USP13: variants seen among roughly 807,000 people sequenced by gnomAD.
USP13 encodes the protein ubiquitin carboxyl-terminal hydrolase 13.
In USP13, 68 loss-of-function variants were observed where a neutral mutation model predicts 107.8. That is an observed-to-expected ratio of 0.63 (90% CI 0.52 to 0.77). USP13 has a LOEUF of 0.77. Among genes scored for constraint, USP13 ranks in the 30% least tolerant of loss-of-function variants. The pLI, the probability that USP13 is intolerant of heterozygous loss-of-function variation, is 0.00. For missense variants in USP13, 945 were observed against 1,093.3 expected (o/e 0.86, Z 1.91); for synonymous variants, 377 against 389.5 (o/e 0.97, Z 0.38).
intron 2 of USP13, among the ~76,000 whole-genome samples, chr3:179,683,015 G>A (rs1006901146): frequency 4.0e-5 from 6 of 150,140 alleles, no homozygotes; most frequent in Non-Finnish European, 5.9e-5. Flanking sequence ...TAGATGAAGT[G>A]GCATCTAAAT....
At position 179,721,943 on chromosome 3, in the gene USP13, C is replaced by G. The variant is rs1289510573; in HGVS notation, c.1088+354C>G. Among the ~76,000 whole-genome samples, 1 of 151,866 alleles carries G rather than the reference C, an allele frequency of 6.6e-6. No individual in the cohort carries two copies. Among genetic ancestry groups the G allele is most frequent in the Non-Finnish European group, 1.5e-5 (1 of 67,978 alleles). On this transcript the variant is annotated intron_variant, in intron 8 of 20. Transcript: ENST00000263966. The surrounding 1 kb of genome is among the most constrained non-coding windows in gnomAD (Gnocchi z 4.3). ...AATTAGCCAGGGGTGGTGGTGCACGCCTGTAATTCCAGCTACTCAGGAGGC... is the reference window on the plus strand; with the variant it reads ...AATTAGCCAGGGGTGGTGGTGCACGGCTGTAATTCCAGCTACTCAGGAGGC...
intron 3 of USP13, among the ~76,000 whole-genome samples, chr3:179,696,651 G>C (rs992699244): frequency 8.5e-5 from 13 of 152,104 alleles, no homozygotes; most frequent in Non-Finnish European, 1.6e-4. Flanking sequence ...TTTTGGCTTA[G>C]GGTTGCTGTG....
chr3:179,656,464 T>C (rs1201686064), intron 1 of USP13, among the ~76,000 whole-genome samples: 1 of 152,268 alleles, frequency 6.6e-6, no homozygotes, highest in Non-Finnish European at 1.5e-5. Flanking sequence ...ATGAGTAGTG[T>C]ATTAGTATCT....
chr3:179,763,736 C>T (rs1324075281), intron 17 of USP13, among the ~76,000 whole-genome samples: 1 of 152,108 alleles, frequency 6.6e-6, no homozygotes, highest in African/African-American at 2.4e-5. Flanking sequence ...CAGGTGTGCA[C>T]CACCATGCCC....
Position 179,761,115 on chromosome 3 carries a change from C to T in USP13, c.1952C>T (p.Ser651Leu). 1.2e-6 allele frequency: 2 copies of T among 1,614,198 alleles called. No individual in the cohort carries two copies. The highest frequency in any genetic ancestry group is 2.2e-5 in the East Asian group (1 of 44,884). Residue 651 changes from serine to leucine, a missense_variant, in exon 17 of 21, where the codon TCA (serine) becomes TTA (leucine). Coordinates refer to ENST00000263966, the MANE Select transcript of USP13 (RefSeq NM_003940.3). The stretch of plus-strand genomic sequence containing the variant: ...AATATCCTGTTGTGCTCTGTAGCAT[C>T]AGACATCGATGAGTCATCAGTGATG... ...DRLMNQLIDP[S>L]DIDESSVMQL...
rs9814513 is a variant in USP13, at chr3:179,786,521, C to T, written c.*2380C>T. 0.21 allele frequency: 32,435 copies of T among 152,202 alleles called. 5,156 individuals carry two copies. Among genetic ancestry groups the T allele is most frequent in the African/African-American group, 0.45 (18,672 of 41,442 alleles). 9.4% of individuals were successfully genotyped at this position (152,202 alleles called of 1,614,324 possible). A position where few individuals can be genotyped will look rare whatever the true frequency, so the allele number is the denominator to read the frequency against. The stretch of plus-strand genomic sequence containing the variant: ...TGCTATGGCTGCCTTTTCTTCTGCC[C>T]CACAACACAAAGGGCTATTTCTACA... On this transcript the variant is annotated 3_prime_UTR_variant, in exon 21 of 21. Coordinates refer to ENST00000263966, the MANE Select transcript of USP13 (RefSeq NM_003940.3).
chr3:179,774,721 T>G (rs1033554004), intron 19 of USP13, among the ~76,000 whole-genome samples: 36 of 152,196 alleles, frequency 2.4e-4, no homozygotes, highest in African/African-American at 8.4e-4. Flanking sequence ...CCCAAGCAGG[T>G]TGCCACTGCT....
intron 6 of USP13, among the ~76,000 whole-genome samples, chr3:179,718,453 G>C (rs1459906651): frequency 6.6e-6 from 1 of 151,992 alleles, no homozygotes; most frequent in Non-Finnish European, 1.5e-5. Context: ...CATGTACCTC[G>C]CTGGTGTCCT....
At chr3:179,745,343 A>G (rs1238777795) in intron 13 of USP13, 126 bp downstream of exon 13, 1 of 1,200,348 alleles carries the variant, frequency 8.3e-7, no homozygotes, top group East Asian at 2.5e-5. Context: ...GATGGATGGG[A>G]TTATGGTTCA....
chr3:179,752,355 T>G lies in USP13; in HGVS notation c.1780T>G (p.Trp594Gly). 5 of 1,614,132 alleles carry G rather than the reference T, an allele frequency of 3.1e-6. No homozygotes were observed. The highest frequency in any genetic ancestry group is 4.2e-6 in the Non-Finnish European group (5 of 1,179,980). ...AAAGAAGTTCACTTTTGGTCTTGAC[T>G]GGGTTCCCAAAAAATTTGGTAGGTA... Reference protein sequence around the residue: ...QIKKFTFGLDWVPKKFDVSID... With the variant: ...QIKKFTFGLDGVPKKFDVSID... Residue 594 changes from tryptophan (W) to glycine (G), a missense_variant, in exon 14 of 21, where the codon TGG becomes GGG. By Grantham distance (184) the Trp-to-Gly change is radical (BLOSUM62 -2). Transcript: ENST00000263966.
At position 179,764,024 on chromosome 3, in the gene USP13, G is replaced by T; in HGVS notation, c.2115G>T (p.Met705Ile). ...EEPDFAEPLT[M>I]PGYGGAASAG... ...CAGATTTTGCTGAGCCGCTGACCAT[G>T]CCTGGTTATGGAGGGGCAGCTTCTG... Residue 705 changes from methionine (M) to isoleucine (I), a missense_variant, in exon 18 of 21, where the codon ATG becomes ATT. Coordinates refer to ENST00000263966, the MANE Select transcript of USP13 (RefSeq NM_003940.3). 6.2e-7 allele frequency: 1 copy of T among 1,612,894 alleles called. No homozygotes were observed. The highest frequency in any genetic ancestry group is 8.5e-7 in the Non-Finnish European group (1 of 1,179,632).
intron 18 of USP13, 73 bp downstream of exon 18, chr3:179,764,241 T>C (rs1162951793): frequency 2.0e-6 from 3 of 1,516,838 alleles, no homozygotes; most frequent in Non-Finnish European, 2.6e-6. Context: ...CAGTTGAGAC[T>C]TTCCAATGTA....
chr3:179,755,894 A>C (rs1448767384), intron 15 of USP13, among the ~76,000 whole-genome samples: 1 of 152,266 alleles, frequency 6.6e-6, no homozygotes, highest in East Asian at 1.9e-4. Flanking sequence ...GGAGCAAGAT[A>C]GGATTCAGAT....
At chr3:179,756,424 AC>A (rs1714800803) in intron 15 of USP13, among the ~76,000 whole-genome samples, 1 of 78,084 alleles carries the variant, frequency 1.3e-5, no homozygotes, top group Non-Finnish European at 2.9e-5. Context: ...AAACAAACAA[AC>A]AAACAAACAA....
chr3:179,743,423 C>G (rs1293178308), intron 12 of USP13, among the ~76,000 whole-genome samples: 5 of 148,484 alleles, frequency 3.4e-5, no homozygotes, highest in Admixed American at 6.7e-5. Flanking sequence ...TTCAGCGGTT[C>G]CCTGGATGGC....
intron 10 of USP13, among the ~76,000 whole-genome samples, chr3:179,734,707 G>C (rs1354941353): frequency 6.6e-6 from 1 of 152,164 alleles, no homozygotes; most frequent in African/African-American, 2.4e-5. Context: ...AGGAGATTTG[G>C]GGTTTGGGCC....
At chr3:179,710,376 G>C (rs1712879364) in intron 6 of USP13, among the ~76,000 whole-genome samples, 1 of 152,154 alleles carries the variant, frequency 6.6e-6, no homozygotes, top group East Asian at 1.9e-4. Context: ...AAGTTGCAAG[G>C]GGACAATAAT....
chr3:179,765,124 A>G (rs533754445), intron 18 of USP13, among the ~76,000 whole-genome samples: 1 of 152,358 alleles, frequency 6.6e-6, no homozygotes, highest in South Asian at 2.1e-4. Flanking sequence ...TTTGAAGTAC[A>G]TGGAGTTCAG....
chr3:179,735,975 G>A lies in USP13; in HGVS notation c.1255-4272G>A, dbSNP rs377730038. ...GGATCACTTGTGCCCAAGGGTTTGA[G>A]GATGCAGTGAGCTGTGATTGCACCA... is the stretch of plus-strand genomic sequence containing the variant. On this transcript the variant is annotated intron_variant, in intron 10 of 20. Coordinates refer to ENST00000263966, the MANE Select transcript of USP13 (RefSeq NM_003940.3). Among the ~76,000 whole-genome samples, 415 of 152,260 alleles carry A rather than the reference G, an allele frequency of 2.7e-3. 2 individuals carry two copies. Among genetic ancestry groups the A allele is most frequent in the African/African-American group, 9.6e-3 (399 of 41,540 alleles).
Sources: allele counts gnomAD v4.1 joint callset (sites outside exome capture counted in the v4.1 genomes callset), GRCh38; gene constraint gnomAD v4.1.1; non-coding constraint Gnocchi (gnomAD v3.1); transcripts MANE v1.5; gene names NCBI Gene and HGNC (gene_info 2026-07-23, HGNC 2026-07-21).